Variants in SLC24A2 observed in about 807,000 individuals in gnomAD.
The protein encoded by SLC24A2 is sodium/potassium/calcium exchanger 2.
A neutral mutation model predicts 62.0 loss-of-function variants in SLC24A2; 36 were observed. The ratio of observed to expected loss-of-function variants is 0.58; its 90% confidence interval spans 0.44 to 0.77. The LOEUF is 0.77. SLC24A2 is among the 30% of genes least tolerant of loss of function. The pLI, the probability that SLC24A2 is intolerant of heterozygous loss-of-function variation, is 0.00. For missense variants in SLC24A2, 846 were observed against 817.9 expected (o/e 1.03, Z -0.42); for synonymous variants, 358 against 294.0 (o/e 1.22, Z -2.23).
the SLC24A2 span, among the ~76,000 whole-genome samples, chr9:19,987,419 T>G: frequency 6.6e-6 from 1 of 152,260 alleles, no homozygotes; most frequent in East Asian, 1.9e-4. Context: ...GTAAATTAAT[T>G]TTTGCCATTT....
At chr9:20,237,237 A>T in the SLC24A2 span, among the ~76,000 whole-genome samples, 1 of 152,224 alleles carries the variant, frequency 6.6e-6, no homozygotes, top group East Asian at 1.9e-4. Flanking sequence ...TATGTATCAT[A>T]TATAATAAGC....
the SLC24A2 span, among the ~76,000 whole-genome samples, chr9:20,186,981 A>C: frequency 6.6e-6 from 1 of 152,154 alleles, no homozygotes. Context: ...ACTCTCCAAA[A>C]ATGGCATCTC....
In SLC24A2 at chr9:19,660,137, C is replaced by A. The variant is rs1477648423; in HGVS notation, c.931-37838G>T. Among the ~76,000 whole-genome samples, 3 of 152,176 alleles carry A rather than the reference C, an allele frequency of 2.0e-5. No homozygotes were observed. In the East Asian group the frequency reaches 5.8e-4, roughly 29 times the overall value. On this transcript the variant is annotated intron_variant, in intron 2 of 10. Transcript: ENST00000341998. The stretch of plus-strand genomic sequence containing the variant: ...TCTCTGCCTGTTGTCCCTTCCGGAC[C>A]AGCTCAGTGCCTGTGTCTCTACATA...
At chr9:19,584,256 T>C (rs1226783783) in intron 5 of SLC24A2, among the ~76,000 whole-genome samples, 2 of 77,458 alleles carry the variant, frequency 2.6e-5, no homozygotes, top group Non-Finnish European at 5.1e-5. Flanking sequence ...AGTCACAAAC[T>C]AACACATAGC....
At chr9:19,533,360 T>C (rs749132422) in intron 8 of SLC24A2, among the ~76,000 whole-genome samples, 20 of 152,200 alleles carry the variant, frequency 1.3e-4, no homozygotes, top group Non-Finnish European at 2.4e-4. Flanking sequence ...ATAAGTTCTA[T>C]GGTGGACTGC....
At chr9:19,964,259 A>C in the SLC24A2 span, among the ~76,000 whole-genome samples, 10 of 150,222 alleles carry the variant, frequency 6.7e-5, no homozygotes, top group Non-Finnish European at 1.3e-4. Context: ...GAGGAGATAT[A>C]CCTAATGCTA....
chr9:19,649,593 A>G (rs1274017948), intron 2 of SLC24A2, among the ~76,000 whole-genome samples: 1 of 152,186 alleles, frequency 6.6e-6, no homozygotes, highest in Non-Finnish European at 1.5e-5. Flanking sequence ...GAGAGAGTAC[A>G]ACTGGATCAA....
the SLC24A2 span, among the ~76,000 whole-genome samples, chr9:19,876,969 T>C: frequency 1.3e-5 from 2 of 152,120 alleles, no homozygotes; most frequent in African/African-American, 2.4e-5. Flanking sequence ...ATTTGTCTTT[T>C]GCAAAGGTAA....
chr9:19,520,633 T>C (rs1421809935), intron 10 of SLC24A2, among the ~76,000 whole-genome samples: 1 of 152,082 alleles, frequency 6.6e-6, no homozygotes, highest in East Asian at 1.9e-4. Context: ...AGTGAAATTC[T>C]AAAGTATTTC....
chr9:19,926,676 C>T, the SLC24A2 span: 1 of 152,186 alleles, frequency 6.6e-6, no homozygotes, highest in East Asian at 1.9e-4. Context: ...AGAAGATTCC[C>T]CAGAGAGGAT....
chr9:19,624,270 G>T (rs1326029362), intron 2 of SLC24A2, among the ~76,000 whole-genome samples: 1 of 152,098 alleles, frequency 6.6e-6, no homozygotes, highest in Admixed American at 6.6e-5. Context: ...CTAAATGGGA[G>T]ACCAATAATT....
chr9:19,855,018 G>T, the SLC24A2 span, among the ~76,000 whole-genome samples: 1 of 152,138 alleles, frequency 6.6e-6, no homozygotes, highest in Admixed American at 6.5e-5. Flanking sequence ...TCTTCTTGTT[G>T]AATTGAACCC....
intron 4 of SLC24A2, among the ~76,000 whole-genome samples, chr9:19,608,084 C>G (rs1837041643): frequency 6.6e-6 from 1 of 152,166 alleles, no homozygotes; most frequent in Non-Finnish European, 1.5e-5. Context: ...AGACCACGGC[C>G]AGTAGATTGG....
At chr9:19,863,695 T>C in the SLC24A2 span, among the ~76,000 whole-genome samples, 2 of 82,468 alleles carry the variant, frequency 2.4e-5, no homozygotes, top group South Asian at 2.8e-4. Context: ...CCAAAATCTA[T>C]GGAATACAGT....
chr9:19,909,918 C>G, the SLC24A2 span, among the ~76,000 whole-genome samples: 1 of 152,124 alleles, frequency 6.6e-6, no homozygotes, highest in African/African-American at 2.4e-5. Context: ...GCTTCTTTCT[C>G]TCTTCCTGCA....
At chr9:20,251,873 T>C in the SLC24A2 span, among the ~76,000 whole-genome samples, 2 of 152,168 alleles carry the variant, frequency 1.3e-5, no homozygotes, top group African/African-American at 4.8e-5. Flanking sequence ...CAGTTCCAGG[T>C]ATTATAGCCA....
At chr9:19,631,298 T>A (rs551084535) in intron 2 of SLC24A2, among the ~76,000 whole-genome samples, 2 of 152,318 alleles carry the variant, frequency 1.3e-5, no homozygotes, top group South Asian at 2.1e-4. Context: ...ATTGTGTCAC[T>A]TTCCTCCTGG....
At chr9:20,245,645 T>C in the SLC24A2 span, among the ~76,000 whole-genome samples, 4 of 152,100 alleles carry the variant, frequency 2.6e-5, no homozygotes, top group African/African-American at 9.7e-5. Flanking sequence ...TGTTAAAAGG[T>C]CAAGCGAATT....
intron 8 of SLC24A2, among the ~76,000 whole-genome samples, chr9:19,540,510 C>G (rs1233009574): frequency 1.3e-5 from 2 of 151,326 alleles, no homozygotes; most frequent in Admixed American, 1.3e-4. Context: ...AAATTCTTGT[C>G]TTTAAGAATG....
Sources: gnomAD v4.1 joint callset for allele counts (sites outside exome capture counted in the v4.1 genomes callset) on GRCh38, gnomAD v4.1.1 for gene constraint, MANE v1.5 for transcripts, NCBI Gene and HGNC (gene_info 2026-07-23, HGNC 2026-07-21) for gene names.